DCHS2: variants seen among roughly 807,000 people sequenced by gnomAD.
DCHS2 encodes the protein protocadherin-23.
Under a neutral mutation model 182.4 loss-of-function variants are expected in DCHS2, and 142 were observed. The observed-to-expected ratio is 0.78, with a 90% confidence interval of 0.68 to 0.89. The LOEUF is 0.89. Among genes scored for constraint, DCHS2 ranks in the 40% least tolerant of loss-of-function variants. DCHS2 has a pLI of 0.00. For synonymous variants in DCHS2, 1,740 were observed against 1,663.3 expected (o/e 1.05, Z -1.12); for missense variants, 4,319 against 4,198.6 (o/e 1.03, Z -0.79).
intron 1 of DCHS2, among the ~76,000 whole-genome samples, chr4:154,395,789 C>A (rs1312639795): frequency 6.6e-6 from 1 of 151,904 alleles, no homozygotes; most frequent in Non-Finnish European, 1.5e-5. Flanking sequence ...GAAAAGCAGG[C>A]AAGAAGGAAA....
chr4:154,242,092 C>A (rs889060281), intron 17 of DCHS2, among the ~76,000 whole-genome samples: 11 of 152,132 alleles, frequency 7.2e-5, no homozygotes, highest in Non-Finnish European at 1.5e-5. Context: ...GACTAGAGGA[C>A]CATTGTATAA....
intron 19 of DCHS2, 45 bp downstream of exon 19, chr4:154,239,125 T>A (rs1300073431): frequency 8.2e-6 from 13 of 1,578,588 alleles, no homozygotes; most frequent in Non-Finnish European, 1.1e-5. Flanking sequence ...GTTTCTACTT[T>A]GAAACCCAAA....
intron 15 of DCHS2, among the ~76,000 whole-genome samples, chr4:154,259,203 G>A (rs1262746300): frequency 6.6e-6 from 1 of 152,046 alleles, no homozygotes; most frequent in African/African-American, 2.4e-5. Flanking sequence ...CCTCCTTCAG[G>A]AGGAGGCTGT....
intron 1 of DCHS2, among the ~76,000 whole-genome samples, chr4:154,447,500 A>G (rs1359300443): frequency 6.6e-6 from 1 of 152,164 alleles, no homozygotes; most frequent in African/African-American, 2.4e-5. Context: ...ACAAATTTCA[A>G]TTAAAAATTA....
chr4:154,335,126 T>C lies in DCHS2; in HGVS notation c.2477-22A>G, dbSNP rs572037629. The stretch of plus-strand genomic sequence containing the variant: ...ATTCCTGGGTAGGGAAAAGAAAACA[T>C]TGGTAAACAGATAACATGTAATAAA... On this transcript the variant is annotated intron_variant, in intron 3 of 19. Coordinates refer to ENST00000357232, the MANE Select transcript of DCHS2 (RefSeq NM_001358235.2). 44 of 1,432,772 alleles carry C rather than the reference T, an allele frequency of 3.1e-5. 1 individual carries two copies. The East Asian group carries it at 5.2e-4, about 17-fold the overall frequency. The allele number at this position is 1,432,772 out of a possible 1,614,324, so 88.8% of individuals were successfully genotyped here.
At position 154,239,296 on chromosome 4, in the gene DCHS2, CT is replaced by C. The variant is rs1167740728; in HGVS notation, c.7365del (p.Val2456PhefsTer12). The stretch of plus-strand genomic sequence containing the variant: ...TACCCCACAGGTATTGATTCAGGAA[CT>C]GTGACCTGAGGGAAAAAGAGAAAAA... Reference protein sequence around the residue: ...PVFSQDFYQVTVPESIPVGYS... With the variant: ...PVFSQDFYQVXVPESIPVGYS... On this transcript the variant is annotated frameshift_variant, in exon 19 of 20. Transcript: ENST00000357232. LOFTEE classifies it high-confidence loss of function. The C allele has an allele frequency of 7.4e-6, 12 of 1,611,744 alleles. No individual in the cohort carries two copies. The highest frequency in any genetic ancestry group is 9.3e-6 in the Non-Finnish European group (11 of 1,179,364).
At chr4:154,468,663 G>A (rs904236967) in intron 1 of DCHS2, among the ~76,000 whole-genome samples, 12 of 151,846 alleles carry the variant, frequency 7.9e-5, no homozygotes, top group South Asian at 4.2e-4. Flanking sequence ...TTGATACAAC[G>A]GTTTCTCCTA....
At chr4:154,264,370 T>C (rs1019085138) in intron 14 of DCHS2, among the ~76,000 whole-genome samples, 1 of 151,828 alleles carries the variant, frequency 6.6e-6, no homozygotes, top group Non-Finnish European at 1.5e-5. Context: ...CCCTTGGAAA[T>C]ATGAGCAAGG....
chr4:154,286,854 T>A (rs1324052154), intron 13 of DCHS2, among the ~76,000 whole-genome samples: 1 of 151,974 alleles, frequency 6.6e-6, no homozygotes, highest in East Asian at 1.9e-4. Context: ...TATATAAGTA[T>A]AAGAAGGTTA....
intron 1 of DCHS2, among the ~76,000 whole-genome samples, chr4:154,469,267 A>T (rs1735363589): frequency 6.6e-6 from 1 of 152,118 alleles, no homozygotes; most frequent in African/African-American, 2.4e-5. Flanking sequence ...TGGATGTCAT[A>T]AATGTCCAAA....
At chr4:154,349,646 A>G (rs187529891) in intron 3 of DCHS2, among the ~76,000 whole-genome samples, 50 of 152,268 alleles carry the variant, frequency 3.3e-4, no homozygotes, top group South Asian at 8.3e-4. Flanking sequence ...TGTTTCTATT[A>G]TTACTATCCT....
intron 2 of DCHS2, chr4:154,374,002 CAAAAAAAAAAA>C: frequency 8.4e-5 from 50 of 595,220 alleles, no homozygotes; most frequent in Non-Finnish European, 1.2e-4. Context: ...ATTTTAATAG[CAAAAAAAAAAA>C]AAAAAAAAAA....
At chr4:154,373,836 G>A in intron 2 of DCHS2, 2 of 1,102,612 alleles carry the variant, frequency 1.8e-6, no homozygotes, top group Non-Finnish European at 2.7e-6. Flanking sequence ...ACTCAGGGGA[G>A]AAGGAAAACT....
At position 154,315,785 on chromosome 4, in the gene DCHS2, C is replaced by T. The variant is rs141559716; in HGVS notation, c.5223G>A (p.Glu1741=). ...ASVKENQNPG[E]FVTRVEALDR... ...CCAGAGCTTCAACCCTGGTAACAAA[C>T]TCCCCTGGATTTTGGTTTTCTTTCA... Residue 1741 remains glutamate (E), a synonymous_variant, in exon 10 of 20, where the codon GAG becomes GAA. Transcript: ENST00000357232. 63 of 1,614,050 alleles carry T rather than the reference C, an allele frequency of 3.9e-5. No homozygotes were observed. Among genetic ancestry groups the T allele is most frequent in the Non-Finnish European group, 5.2e-5 (61 of 1,179,962 alleles).
At chr4:154,380,521 G>A (rs1731121555) in intron 1 of DCHS2, among the ~76,000 whole-genome samples, 1 of 152,074 alleles carries the variant, frequency 6.6e-6, no homozygotes, top group Non-Finnish European at 1.5e-5. Context: ...CACATACAAT[G>A]AACTTTTAAA....
chr4:154,343,486 C>T (rs1229547848), intron 3 of DCHS2: 22 of 1,455,976 alleles, frequency 1.5e-5, no homozygotes, highest in Non-Finnish European at 1.9e-5. Context: ...AGAATCTTAG[C>T]TAGATTTGCT....
intron 14 of DCHS2, chr4:154,262,308 T>C (rs964031154): frequency 6.6e-6 from 1 of 152,132 alleles, no homozygotes; most frequent in Admixed American, 6.5e-5. Flanking sequence ...GAAAAGACAA[T>C]AACCAGTCTG....
Position 154,347,431 on chromosome 4 carries a change from G to A in DCHS2, c.2477-12327C>T, listed in dbSNP as rs566319387. 4.0e-5 allele frequency among the ~76,000 whole-genome samples: 6 copies of A among 151,600 alleles called. No homozygotes were observed. The East Asian group carries it at 7.7e-4, about 20-fold the overall frequency. Reference sequence around the variant, plus strand: ...TTTGATCTTCAGCAGTTTCTTAAGTGCTCTGAGCTTCTGTTTATCACTTTA... The same window carrying A: ...TTTGATCTTCAGCAGTTTCTTAAGTACTCTGAGCTTCTGTTTATCACTTTA... On this transcript the variant is annotated intron_variant, in intron 3 of 19. Coordinates refer to ENST00000357232, the MANE Select transcript of DCHS2 (RefSeq NM_001358235.2).
At position 154,325,637 on chromosome 4, in the gene DCHS2, G is replaced by A. The variant is rs989817212; in HGVS notation, c.4018+2456C>T. On this transcript the variant is annotated intron_variant, in intron 7 of 19. Transcript: ENST00000357232. ...TGGGGAAAGAGTCTCTGAAGGAGGG[G>A]ACAGCAGGAACACAGAGGAAGGGCT... Among the ~76,000 whole-genome samples, 3 of 152,048 alleles carry A rather than the reference G, an allele frequency of 2.0e-5. No individual in the cohort carries two copies. The East Asian group carries it at 5.8e-4, about 29-fold the overall frequency.
Sources: allele counts gnomAD v4.1 joint callset (sites outside exome capture counted in the v4.1 genomes callset), GRCh38; gene constraint gnomAD v4.1.1; transcripts MANE v1.5; gene names NCBI Gene and HGNC (gene_info 2026-07-23, HGNC 2026-07-21).